Variants in VIPR2 observed in about 807,000 individuals in gnomAD.
VIPR2 encodes the protein vasoactive intestinal peptide receptor 2.
In VIPR2, 48 loss-of-function variants were observed where a neutral mutation model predicts 58.0. The observed-to-expected ratio is 0.83, with a 90% CI of 0.66 to 1.05. The LOEUF is 1.05. VIPR2 is among the 50% of genes least tolerant of loss of function. VIPR2 has a pLI of 0.00. For missense variants in VIPR2, 534 were observed against 558.0 expected (o/e 0.96, Z 0.43); for synonymous variants, 243 against 235.2 (o/e 1.03, Z -0.30).
intron 2 of VIPR2, among the ~76,000 whole-genome samples, chr7:159,129,958 TGGCCTCTGGCGG>T (rs1796827063): frequency 8.9e-6 from 1 of 111,830 alleles, no homozygotes; most frequent in African/African-American, 4.5e-5. Context: ...TCCCTCAAAC[TGGCCTCTGGCGG>T]GGACAGGGCC....
chr7:159,040,655 T>C (rs1854270812), intron 6 of VIPR2, among the ~76,000 whole-genome samples: 1 of 152,244 alleles, frequency 6.6e-6, no homozygotes. Context: ...CCAGGTGTTC[T>C]GCCTGGGAGA....
chr7:159,068,703 C>T (rs115332713), intron 4 of VIPR2, among the ~76,000 whole-genome samples: 1,897 of 152,280 alleles, frequency 0.012, 35 homozygotes, highest in African/African-American at 0.043. Flanking sequence ...TGCAACAGCA[C>T]GGCCTCAGAA....
At chr7:159,034,876 C>T (rs888634859) in intron 8 of VIPR2, among the ~76,000 whole-genome samples, 1 of 152,130 alleles carries the variant, frequency 6.6e-6, no homozygotes, top group Non-Finnish European at 1.5e-5. Context: ...GGAGGTGCGG[C>T]CCCAGAAGCC....
chr7:159,082,089 A>G (rs535253642), intron 4 of VIPR2, among the ~76,000 whole-genome samples: 103 of 152,332 alleles, frequency 6.8e-4, no homozygotes, highest in African/African-American at 2.4e-3. Context: ...TAGAAATACC[A>G]TTTGACCCAG....
In VIPR2 at chr7:159,103,737, A is replaced by G; in HGVS notation, c.357+20T>C. 1 of 1,602,022 alleles carries G rather than the reference A, an allele frequency of 6.2e-7. No individual in the cohort carries two copies. Among genetic ancestry groups the G allele is most frequent in the South Asian group, 1.1e-5 (1 of 90,840 alleles). The stretch of plus-strand genomic sequence containing the variant: ...TTAGGAAGTGGAACCTCACCACCGT[A>G]GCACCACGCAGGAGCCTACCTTGCT... On this transcript the variant is annotated intron_variant, in intron 4 of 12. Coordinates refer to ENST00000262178, the MANE Select transcript of VIPR2 (RefSeq NM_003382.5).
At chr7:159,044,394 C>T (rs1854521193) in intron 5 of VIPR2, among the ~76,000 whole-genome samples, 1 of 151,836 alleles carries the variant, frequency 6.6e-6, no homozygotes, top group Non-Finnish European at 1.5e-5. Flanking sequence ...TCAGAATATT[C>T]AAAATGCCCA....
At position 159,099,948 on chromosome 7, in the gene VIPR2, G is replaced by A. The variant is rs770205563; in HGVS notation, c.357+3809C>T. Among the ~76,000 whole-genome samples, 7 of 152,248 alleles carry A rather than the reference G, an allele frequency of 4.6e-5. No homozygotes were observed. Among genetic ancestry groups the A allele is most frequent in the Middle Eastern group, 3.4e-3 (1 of 294 alleles). ...CTGGCTGAGCTGGGTGCAGCCATGC[G>A]CCCCAGGATCCTCCCTGAGGACCTT... On this transcript the variant is annotated intron_variant, in intron 4 of 12. Coordinates refer to ENST00000262178, the MANE Select transcript of VIPR2 (RefSeq NM_003382.5). The surrounding 1 kb of genome is among the most constrained non-coding windows in gnomAD (Gnocchi z 4.2).
chr7:159,070,699 A>G (rs1856338832), intron 4 of VIPR2, among the ~76,000 whole-genome samples: 1 of 152,250 alleles, frequency 6.6e-6, no homozygotes, highest in Non-Finnish European at 1.5e-5. Flanking sequence ...TGAGATGAAT[A>G]TGAATTAAAA....
intron 2 of VIPR2, among the ~76,000 whole-genome samples, chr7:159,136,429 T>G (rs1419299241): frequency 1.3e-5 from 2 of 152,048 alleles, no homozygotes; most frequent in Non-Finnish European, 2.9e-5. Flanking sequence ...GGATAAATAT[T>G]CAAACCATAG....
intron 2 of VIPR2, among the ~76,000 whole-genome samples, chr7:159,135,016 T>G (rs953727679): frequency 1.6e-5 from 2 of 128,532 alleles, no homozygotes; most frequent in East Asian, 2.1e-4. Flanking sequence ...TTTTTTTTTT[T>G]TTTTTTTTTT....
At chr7:159,103,876 T>C (rs1858456818) in intron 3 of VIPR2, 22 bp from the exon 4 acceptor site, 1 of 1,597,116 alleles carries the variant, frequency 6.3e-7, no homozygotes, top group South Asian at 1.1e-5. Context: ...AGTTCAGATA[T>C]TTTATCTGCA....
rs191007001 is a variant in VIPR2, at chr7:159,102,510, G to A, written c.357+1247C>T. Reference sequence around the variant, plus strand: ...GGGTCAGGAGTTTTACCTTCCAATCGTTGGGATATTGGTTACTGTATAAGA... The same window carrying A: ...GGGTCAGGAGTTTTACCTTCCAATCATTGGGATATTGGTTACTGTATAAGA... On this transcript the variant is annotated intron_variant, in intron 4 of 12. Coordinates refer to ENST00000262178, the MANE Select transcript of VIPR2 (RefSeq NM_003382.5). 1.3e-3 allele frequency among the ~76,000 whole-genome samples: 194 copies of A among 152,304 alleles called. 1 individual carries two copies. Among genetic ancestry groups the A allele is most frequent in the African/African-American group, 4.5e-3 (187 of 41,566 alleles).
intron 4 of VIPR2, among the ~76,000 whole-genome samples, chr7:159,066,346 A>G (rs901290627): frequency 6.7e-6 from 1 of 150,190 alleles, no homozygotes; most frequent in Admixed American, 6.6e-5. Context: ...CGTCTGTGGG[A>G]TTCCAGGATG....
At chr7:159,043,872 C>A (rs1854490345) in intron 5 of VIPR2, among the ~76,000 whole-genome samples, 1 of 152,318 alleles carries the variant, frequency 6.6e-6, no homozygotes, top group African/African-American at 2.4e-5. Context: ...GCAGGGGAAG[C>A]AAACATCAGG....
chr7:159,099,639 G>A lies in VIPR2; in HGVS notation c.357+4118C>T, dbSNP rs1215588393. Among the ~76,000 whole-genome samples the A allele has an allele frequency of 6.6e-6, 1 of 152,182 alleles. No individual in the cohort carries two copies. Among genetic ancestry groups the A allele is most frequent in the East Asian group, 1.9e-4 (1 of 5,192 alleles). Reference sequence around the variant, plus strand: ...TCTGGGTGACGCTGCTGGGGGCCTTGGTCTCTGCTCTTCACCAGCACCTCT... The same window carrying A: ...TCTGGGTGACGCTGCTGGGGGCCTTAGTCTCTGCTCTTCACCAGCACCTCT... On this transcript the variant is annotated intron_variant, in intron 4 of 12. Coordinates refer to ENST00000262178, the MANE Select transcript of VIPR2 (RefSeq NM_003382.5). The surrounding 1 kb of genome is among the most constrained non-coding windows in gnomAD (Gnocchi z 4.2).
intron 4 of VIPR2, among the ~76,000 whole-genome samples, chr7:159,063,569 C>G (rs959010746): frequency 6.6e-6 from 1 of 151,848 alleles, no homozygotes; most frequent in Non-Finnish European, 1.5e-5. Context: ...ATCCCAGAAA[C>G]GGGCTCCCAC....
At chr7:159,133,890 A>T (rs1434519288) in intron 2 of VIPR2, among the ~76,000 whole-genome samples, 3 of 152,240 alleles carry the variant, frequency 2.0e-5, no homozygotes, top group Non-Finnish European at 4.4e-5. Context: ...GTAGAAATGG[A>T]CATTCTACCT....
intron 5 of VIPR2, among the ~76,000 whole-genome samples, chr7:159,047,297 G>C (rs961412308): frequency 3.9e-5 from 6 of 152,174 alleles, no homozygotes; most frequent in Admixed American, 6.5e-5. Context: ...AACTTGAAAA[G>C]TTGCAAGTAC....
At position 159,097,103 on chromosome 7, in the gene VIPR2, G is replaced by C. The variant is rs1211402386; in HGVS notation, c.357+6654C>G. 2.0e-6 allele frequency: 3 copies of C among 1,503,746 alleles called. No individual in the cohort carries two copies. The Admixed American group carries it at 6.4e-5, about 32-fold the overall frequency. The allele number at this position is 1,503,746 out of a possible 1,614,324, so 93.2% of individuals were successfully genotyped here. On this transcript the variant is annotated intron_variant, in intron 4 of 12. Coordinates refer to ENST00000262178, the MANE Select transcript of VIPR2 (RefSeq NM_003382.5). This position sits in a 1 kb window ranked among gnomAD's most constrained non-coding sequence, Gnocchi z 5.3. ...GGTGTGTCCTTGCAGGGTTGCAGGA[G>C]GGTTGGCGGGATGATCAGATGGTGC... is the stretch of plus-strand genomic sequence containing the variant.
Sources: gnomAD v4.1 joint callset for allele counts (sites outside exome capture counted in the v4.1 genomes callset) on GRCh38, gnomAD v4.1.1 for gene constraint, Gnocchi (gnomAD v3.1) non-coding constraint, MANE v1.5 for transcripts, NCBI Gene and HGNC (gene_info 2026-07-23, HGNC 2026-07-21) for gene names.